Variants in CACNA1A observed in about 807,000 individuals in gnomAD.
CACNA1A encodes the protein voltage-dependent P/Q-type calcium channel subunit alpha-1A.
CACNA1A carries 57 observed loss-of-function variants against 262.4 expected under a neutral mutation model. The ratio of observed to expected loss-of-function variants is 0.22; its 90% CI spans 0.18 to 0.27. The LOEUF is 0.27. Ranked by LOEUF, CACNA1A falls within the 10% of genes least tolerant of loss-of-function variation. The probability of loss-of-function intolerance (pLI) is 1.00; values close to 1 mark genes in which losing one functional copy is unlikely to be tolerated. For missense variants in CACNA1A, 2,526 were observed against 3,562.8 expected, an observed-to-expected ratio of 0.71 and a Z score of 7.41; for synonymous variants, 1,431 against 1,419.3, an observed-to-expected ratio of 1.01 and a Z score of -0.18.
chr19:13,459,717 C>T (rs1273678012), intron 1 of CACNA1A, among the ~76,000 whole-genome samples: 1 of 152,206 alleles, frequency 6.6e-6, no homozygotes, highest in East Asian at 1.9e-4. Flanking sequence ...CCAACTCAGC[C>T]TCCTTACACG....
At chr19:13,464,444 T>C (rs1021245133) in intron 1 of CACNA1A, among the ~76,000 whole-genome samples, 11 of 151,856 alleles carry the variant, frequency 7.2e-5, no homozygotes, top group Non-Finnish European at 1.5e-4. Context: ...GAAAACTTAA[T>C]ATGCTTATAA....
chr19:13,416,447 C>G (rs1258032963), intron 3 of CACNA1A, among the ~76,000 whole-genome samples: 2 of 151,886 alleles, frequency 1.3e-5, no homozygotes, highest in East Asian at 3.9e-4. Flanking sequence ...TTCGGGAGGC[C>G]GAGGCGGTGG....
At chr19:13,233,198 G>A (rs1331578532) in intron 34 of CACNA1A, among the ~76,000 whole-genome samples, 1 of 151,896 alleles carries the variant, frequency 6.6e-6, no homozygotes, top group Non-Finnish European at 1.5e-5. Flanking sequence ...CTTTACACAG[G>A]CAGTCCCCTC....
intron 3 of CACNA1A, among the ~76,000 whole-genome samples, chr19:13,414,635 G>C (rs1160374871): frequency 6.6e-6 from 1 of 152,120 alleles, no homozygotes; most frequent in Non-Finnish European, 1.5e-5. Context: ...AAGAGAAAAT[G>C]TCTTAGCATG....
At position 13,209,366 on chromosome 19, in the gene CACNA1A, G is replaced by A. The variant is rs774289573; in HGVS notation, c.6472C>T (p.Arg2158Cys). ...GAGCGCTCAGAGGCGCGGTGGCTGC[G>A]GTCGCGGCGCCGCTGGTGGTGCCGC... Reference protein sequence around the residue: ...NQRHHQRRRDRSHRASERSLG... With the variant: ...NQRHHQRRRDCSHRASERSLG... The change falls in exon 45 of 47, where the codon CGC becomes TGC. Residue 2158 changes from arginine to cysteine, a missense_variant. Physicochemically the swap from Arg to Cys is radical, Grantham distance 180. Coordinates refer to ENST00000360228, the MANE Select transcript of CACNA1A (RefSeq NM_001127222.2). 1.4e-5 allele frequency: 19 copies of A among 1,391,020 alleles called. No individual in the cohort carries two copies. The highest frequency in any genetic ancestry group is 5.2e-5 in the South Asian group (3 of 57,442). The allele number at this position is 1,391,020 out of a possible 1,614,324, so 86.2% of individuals were successfully genotyped here.
At chr19:13,471,244 G>A (rs1428304598) in intron 1 of CACNA1A, among the ~76,000 whole-genome samples, 1 of 152,166 alleles carries the variant, frequency 6.6e-6, no homozygotes, top group Non-Finnish European at 1.5e-5. Context: ...TGAGGTCTCA[G>A]GTTCTGAAGT....
At chr19:13,264,620 GC>G (rs2056818677) in intron 24 of CACNA1A, among the ~76,000 whole-genome samples, 1 of 152,098 alleles carries the variant, frequency 6.6e-6, no homozygotes, top group Non-Finnish European at 1.5e-5. Context: ...GTCTGCTTAT[GC>G]ATATACTGTT....
At chr19:13,301,875 C>T (rs1457662475) in intron 17 of CACNA1A, among the ~76,000 whole-genome samples, 1 of 152,128 alleles carries the variant, frequency 6.6e-6, no homozygotes, top group African/African-American at 2.4e-5. Context: ...ACCCTGCTCT[C>T]ATAGGGCCAC....
chr19:13,299,230 C>T lies in CACNA1A; in HGVS notation c.2403G>A (p.Glu801=). The T allele has an allele frequency of 6.2e-7, 1 of 1,610,490 alleles. No homozygotes were observed. The highest frequency in any genetic ancestry group is 8.5e-7 in the Non-Finnish European group (1 of 1,179,872). ...GCCGCGTGTAGGCAGCCTTCCAGCG[C>T]TCGTCCGGGTCCATTTCGTTATACA... is the stretch of plus-strand genomic sequence containing the variant. ...EALYNEMDPD[E]RWKAAYTRHL... Residue 801 remains glutamate (E), a synonymous_variant, in exon 19 of 47, where the codon GAG becomes GAA. Coordinates refer to ENST00000360228, the MANE Select transcript of CACNA1A (RefSeq NM_001127222.2).
chr19:13,420,721 C>G (rs1329480525), intron 3 of CACNA1A, among the ~76,000 whole-genome samples: 1 of 152,176 alleles, frequency 6.6e-6, no homozygotes, highest in Non-Finnish European at 1.5e-5. Flanking sequence ...GTTCATGTTA[C>G]TCTGTTATAA....
rs1487889235 is a variant in CACNA1A at position 13,406,509 on chromosome 19, A to ATATATATATATGTATG, written c.540-34731_540-34730insCATACATATATATATA. Among the ~76,000 whole-genome samples, 93 of 109,646 alleles carry ATATATATATATGTATG rather than the reference A, an allele frequency of 8.5e-4. 5 individuals carry two copies. The highest frequency in any genetic ancestry group is 5.6e-3 in the East Asian group (13 of 2,332). The allele number at this position is 109,646 out of a possible 152,430, so 71.9% of individuals were successfully genotyped here. A position where few individuals can be genotyped will look rare whatever the true frequency, so the allele number is the denominator to read the frequency against. Reference sequence around the variant, plus strand: ...TATATATATATATATATATATATATATATGAAGGGAATCTGATCCCTAACA... The same window carrying ATATATATATATGTATG: ...TATATATATATATATATATATATATATATATATATATGTATGTATGAAGGGAATCTGATCCCTAACA... On this transcript the variant is annotated intron_variant, in intron 3 of 46. Coordinates refer to ENST00000360228, the MANE Select transcript of CACNA1A (RefSeq NM_001127222.2).
intron 3 of CACNA1A, among the ~76,000 whole-genome samples, chr19:13,445,845 G>A (rs2060800195): frequency 6.6e-6 from 1 of 152,196 alleles, no homozygotes; most frequent in African/African-American, 2.4e-5. Flanking sequence ...AGAACAAACA[G>A]ATGTCCGGGG....
At chr19:13,487,876 G>A (rs1980224018) in intron 1 of CACNA1A, among the ~76,000 whole-genome samples, 1 of 151,788 alleles carries the variant, frequency 6.6e-6, no homozygotes, top group African/African-American at 2.4e-5. Flanking sequence ...CACCATCATT[G>A]TTCACTGCAG....
chr19:13,428,581 C>T (rs893445395), intron 3 of CACNA1A, among the ~76,000 whole-genome samples: 8 of 152,178 alleles, frequency 5.3e-5, no homozygotes, highest in Non-Finnish European at 1.0e-4. Context: ...ATCATCTCCT[C>T]GCATCCTCAA....
chr19:13,382,301 G>C (rs969271755), intron 3 of CACNA1A, among the ~76,000 whole-genome samples: 1 of 152,118 alleles, frequency 6.6e-6, no homozygotes, highest in Non-Finnish European at 1.5e-5. Flanking sequence ...TCCTGGCCCT[G>C]CATTTTCTCA....
intron 28 of CACNA1A, chr19:13,256,274 AG>A (rs1430412831): frequency 2.6e-5 from 4 of 152,272 alleles, no homozygotes; most frequent in Admixed American, 6.5e-5. Flanking sequence ...TTAAGATTAC[AG>A]GCGTGAGCCA....
intron 3 of CACNA1A, among the ~76,000 whole-genome samples, chr19:13,376,534 G>GA (rs942689807): frequency 1.3e-5 from 2 of 149,000 alleles, no homozygotes; most frequent in African/African-American, 2.5e-5. Flanking sequence ...GATCTACTCA[G>GA]AAAAAAATAT....
In CACNA1A at chr19:13,206,646, A is replaced by AT. The variant is rs2054577980; in HGVS notation, c.*666dup. ...AAAATGCCTCTTTTCTCAATCATTAATTTTTTTGTCCTTTTTAAAATTGTT... is the reference window on the plus strand; with the variant it reads ...AAAATGCCTCTTTTCTCAATCATTAATTTTTTTTGTCCTTTTTAAAATTGTT... On this transcript the variant is annotated 3_prime_UTR_variant, in exon 47 of 47. Transcript: ENST00000360228. The AT allele has an allele frequency of 1.3e-5, 2 of 151,578 alleles. No individual in the cohort carries two copies. The highest frequency in any genetic ancestry group is 1.4e-4 in the Admixed American group (2 of 14,804). The allele number at this position is 151,578 out of a possible 1,614,324, so 9.4% of individuals were successfully genotyped here. A position where few individuals can be genotyped will look rare whatever the true frequency, so the allele number is the denominator to read the frequency against.
intron 30 of CACNA1A, among the ~76,000 whole-genome samples, chr19:13,251,607 T>C (rs1285204241): frequency 6.6e-6 from 1 of 152,228 alleles, no homozygotes; most frequent in Non-Finnish European, 1.5e-5. Flanking sequence ...GCAGCTCTTA[T>C]AATGCAGTAT....
Sources: gnomAD v4.1 joint callset for allele counts (sites outside exome capture counted in the v4.1 genomes callset) on GRCh38, gnomAD v4.1.1 for gene constraint, MANE v1.5 for transcripts, NCBI Gene and HGNC (gene_info 2026-07-23, HGNC 2026-07-21) for gene names.